The following ARHGEF18 variants were observed in gnomAD, a reference collection of about 807,000 sequenced individuals.
ARHGEF18 encodes rho guanine nucleotide exchange factor 18.
A neutral mutation model predicts 155.7 loss-of-function variants in ARHGEF18; 93 were observed. The ratio of observed to expected loss-of-function variants is 0.60; its 90% confidence interval spans 0.50 to 0.71. The LOEUF (loss-of-function observed/expected upper bound fraction) is 0.71, where lower values mean the gene tolerates loss of function less well. Among genes scored for constraint, ARHGEF18 ranks in the 30% least tolerant of loss-of-function variants. The probability of loss-of-function intolerance (pLI) is 0.00; values close to 1 mark genes in which losing one functional copy is unlikely to be tolerated. For synonymous variants in ARHGEF18, 742 were observed against 753.1 expected, an observed-to-expected ratio of 0.99 and a Z score of 0.24; for missense variants, 1,593 against 1,816.1, an observed-to-expected ratio of 0.88 and a Z score of 2.23.
Position 7,368,015 on chromosome 19 carries a change from GAGGGCGGA to G in ARHGEF18, c.16-4793_16-4786del, listed in dbSNP as rs1568270712. Among the ~76,000 whole-genome samples the G allele has an allele frequency of 1.1e-3, 94 of 86,384 alleles. 2 individuals carry two copies. The highest frequency in any genetic ancestry group is 4.9e-3 in the Middle Eastern group (1 of 204). The allele number at this position is 86,384 out of a possible 152,430, so 56.7% of individuals were successfully genotyped here. On this transcript the variant is annotated intron_variant, in intron 2 of 28. Coordinates refer to ENST00000668164, the MANE Select transcript of ARHGEF18 (RefSeq NM_001367823.1). ...AGAGAGAGAGAGGGAGGGAGGGAGG[GAGGGCGGA>G]AGGAAGGAAGGAAGGAAGGAAGGAG...
Position 7,444,512 on chromosome 19 carries a change from C to T in ARHGEF18, c.1611+58C>T. 2 of 1,584,196 alleles carry T rather than the reference C, an allele frequency of 1.3e-6. No individual in the cohort carries two copies. The highest frequency in any genetic ancestry group is 2.3e-5 in the South Asian group (2 of 88,594). On this transcript the variant is annotated intron_variant, in intron 14 of 28. Transcript: ENST00000668164. The surrounding 1 kb of genome is among the most constrained non-coding windows in gnomAD (Gnocchi z 4.7). ...CAAAGCCTCTGCCTTGTCTCTGTTC[C>T]TTTCTTCTTTTTTTCTGAGATAGGG...
At chr19:7,381,633 A>T (rs138949567) in intron 8 of ARHGEF18, among the ~76,000 whole-genome samples, 1 of 151,812 alleles carries the variant, frequency 6.6e-6, no homozygotes, top group Non-Finnish European at 1.5e-5. Context: ...AGCCAAGATC[A>T]CGCCCTTGCA....
intron 10 of ARHGEF18, among the ~76,000 whole-genome samples, chr19:7,437,049 A>C (rs1974304325): frequency 6.6e-6 from 1 of 152,184 alleles, no homozygotes; most frequent in Non-Finnish European, 1.5e-5. Context: ...CTTAATTGGC[A>C]AGAATTCTTG....
chr19:7,477,681 G>C, the ARHGEF18 span, among the ~76,000 whole-genome samples: 2 of 152,150 alleles, frequency 1.3e-5, no homozygotes, highest in African/African-American at 4.8e-5. Flanking sequence ...TCCTCGTCCT[G>C]AACACCCAGA....
At chr19:7,443,140 T>A (rs1465282728) in intron 13 of ARHGEF18, among the ~76,000 whole-genome samples, 1 of 137,862 alleles carries the variant, frequency 7.3e-6, no homozygotes, top group Non-Finnish European at 1.5e-5. Flanking sequence ...TCGGCTCACC[T>A]CCACCTCCCG....
At chr19:7,416,283 G>A (rs1973001551) in intron 10 of ARHGEF18, among the ~76,000 whole-genome samples, 1 of 151,870 alleles carries the variant, frequency 6.6e-6, no homozygotes, top group Non-Finnish European at 1.5e-5. Context: ...TCACACACCT[G>A]TGGTCTCAGC....
At chr19:7,426,360 GC>G (rs1414622061) in intron 10 of ARHGEF18, among the ~76,000 whole-genome samples, 6 of 151,806 alleles carry the variant, frequency 4.0e-5, no homozygotes, top group African/African-American at 1.5e-4. Context: ...GGTGGAACGT[GC>G]CTGTCGTCCC....
chr19:7,368,219 A>T (rs965350659), intron 2 of ARHGEF18, among the ~76,000 whole-genome samples: 5 of 152,114 alleles, frequency 3.3e-5, no homozygotes, highest in Middle Eastern at 3.2e-3. Flanking sequence ...TTCATGTACT[A>T]TGCAAAACTG....
At chr19:7,429,029 C>T (rs1349908898) in intron 10 of ARHGEF18, among the ~76,000 whole-genome samples, 5 of 152,174 alleles carry the variant, frequency 3.3e-5, no homozygotes, top group African/African-American at 7.2e-5. Context: ...GCCACGGGCC[C>T]GAGGGCAGGG....
Position 7,470,376 on chromosome 19 carries a change from A to C in ARHGEF18, c.*78A>C. The C allele has an allele frequency of 4.0e-6, 5 of 1,260,290 alleles. No homozygotes were observed. Among genetic ancestry groups the C allele is most frequent in the South Asian group, 2.3e-5 (1 of 42,994 alleles). 78.1% of individuals were successfully genotyped at this position (1,260,290 alleles called of 1,614,324 possible). On this transcript the variant is annotated 3_prime_UTR_variant, in exon 29 of 29. Coordinates refer to ENST00000668164, the MANE Select transcript of ARHGEF18 (RefSeq NM_001367823.1). This position sits in a 1 kb window ranked among gnomAD's most constrained non-coding sequence, Gnocchi z 5.9. ...GCTCTCTGGGGACCCCCATGGGGTC[A>C]CCATGCCCACCCAGCTGTCCCCTCC...
At chr19:7,380,115 C>T (rs1600234368) in intron 7 of ARHGEF18, among the ~76,000 whole-genome samples, 1 of 150,320 alleles carries the variant, frequency 6.7e-6, no homozygotes. Flanking sequence ...GCAGTGAAGG[C>T]TGCCATGAGC....
intron 10 of ARHGEF18, among the ~76,000 whole-genome samples, chr19:7,418,284 G>A (rs1019079925): frequency 5.9e-5 from 9 of 151,838 alleles, no homozygotes; most frequent in Admixed American, 4.6e-4. Context: ...GTTTTAAGGC[G>A]GGATCTCACT....
At position 7,407,961 on chromosome 19, in the gene ARHGEF18, C is replaced by CAAAAAA. The variant is rs71179104; in HGVS notation, c.967+24779_967+24784dup. ...TGGGCAACAGAGCGAGACTCCGTCT[C>CAAAAAA]AAAAAAAAAAAAAAAAAAAAAAAAA... On this transcript the variant is annotated intron_variant, in intron 10 of 28. Coordinates refer to ENST00000668164, the MANE Select transcript of ARHGEF18 (RefSeq NM_001367823.1). Among the ~76,000 whole-genome samples, 20 of 48,824 alleles carry CAAAAAA rather than the reference C, an allele frequency of 4.1e-4. 2 individuals are homozygous for CAAAAAA. The highest frequency in any genetic ancestry group is 1.9e-3 in the African/African-American group (18 of 9,614). The allele number at this position is 48,824 out of a possible 152,430, so 32.0% of individuals were successfully genotyped here.
Position 7,395,232 on chromosome 19 carries a change from G to T in ARHGEF18, c.967+12029G>T. The T allele has an allele frequency of 1.0e-6, 1 of 987,188 alleles. No individual in the cohort carries two copies. The highest frequency in any genetic ancestry group is 1.2e-6 in the Non-Finnish European group (1 of 831,426). 61.2% of individuals were successfully genotyped at this position (987,188 alleles called of 1,614,324 possible). Reference sequence around the variant, plus strand: ...GAGGAGCTGGCGGAGAGCGGCCTGCGGGCGATCGGGCCGAGGTGAGGACGG... The same window carrying T: ...GAGGAGCTGGCGGAGAGCGGCCTGCTGGCGATCGGGCCGAGGTGAGGACGG... On this transcript the variant is annotated intron_variant, in intron 10 of 28. Transcript: ENST00000668164. The surrounding 1 kb of genome is among the most constrained non-coding windows in gnomAD (Gnocchi z 5.0).
intron 10 of ARHGEF18, among the ~76,000 whole-genome samples, chr19:7,430,415 C>G (rs997662778): frequency 6.6e-6 from 1 of 150,966 alleles, no homozygotes; most frequent in Non-Finnish European, 1.5e-5. Context: ...GTTGGCCAGG[C>G]TGGCCTCAAA....
intron 10 of ARHGEF18, among the ~76,000 whole-genome samples, chr19:7,437,701 T>C (rs528189013): frequency 1.9e-4 from 28 of 151,166 alleles, no homozygotes; most frequent in Non-Finnish European, 3.7e-4. Context: ...TGGAGTGCGG[T>C]GGCATGATGT....
downstream of ARHGEF18, among the ~76,000 whole-genome samples, chr19:7,476,034 T>C (rs1003135863): frequency 3.3e-5 from 5 of 152,214 alleles, no homozygotes; most frequent in Admixed American, 3.3e-4. Context: ...CCACCTGGTA[T>C]CTTCCTTGTA....
At chr19:7,466,804 C>CAAA (rs965666634) in intron 23 of ARHGEF18, 114 bp from the exon 24 acceptor site, 43,386 of 477,632 alleles carry the variant, frequency 0.091, 1,327 homozygotes, top group Non-Finnish European at 0.094. Flanking sequence ...AATTCCGTCT[C>CAAA]AAAAAAAAAA....
Position 7,441,642 on chromosome 19 carries a change from T to C in ARHGEF18, c.1107-11T>C, listed in dbSNP as rs1974651570. 1 of 1,610,466 alleles carries C rather than the reference T, an allele frequency of 6.2e-7. No individual in the cohort carries two copies. The highest frequency in any genetic ancestry group is 1.3e-5 in the African/African-American group (1 of 74,862). On this transcript the variant is annotated splice_polypyrimidine_tract_variant and intron_variant, in intron 11 of 28. Coordinates refer to ENST00000668164, the MANE Select transcript of ARHGEF18 (RefSeq NM_001367823.1). Reference sequence around the variant, plus strand: ...TTTTCTAAAACAATTGTTTTTATTGTTTGCACTCAGACCAATCACAGGAGA... The same window carrying C: ...TTTTCTAAAACAATTGTTTTTATTGCTTGCACTCAGACCAATCACAGGAGA...
Sources: allele counts gnomAD v4.1 joint callset (sites outside exome capture counted in the v4.1 genomes callset), GRCh38; gene constraint gnomAD v4.1.1; non-coding constraint Gnocchi (gnomAD v3.1); transcripts MANE v1.5; gene names NCBI Gene and HGNC (gene_info 2026-07-23, HGNC 2026-07-21).